The following UNC5C variants were observed in gnomAD, a reference collection of about 807,000 sequenced individuals.
UNC5C encodes unc-5 netrin receptor C.
A neutral mutation model predicts 99.8 loss-of-function variants in UNC5C; 47 were observed. The ratio of observed to expected loss-of-function variants is 0.47; its 90% CI spans 0.37 to 0.60. The LOEUF (loss-of-function observed/expected upper bound fraction) is 0.60, where lower values mean the gene tolerates loss of function less well. UNC5C is among the 20% of genes least tolerant of loss of function. The probability of loss-of-function intolerance (pLI) is 0.00; values close to 1 mark genes in which losing one functional copy is unlikely to be tolerated. For missense variants in UNC5C, 1,062 were observed against 1,165.9 expected, an observed-to-expected ratio of 0.91 and a Z score of 1.30; for synonymous variants, 487 against 452.2, an observed-to-expected ratio of 1.08 and a Z score of -0.98.
At chr4:95,363,217 C>T (rs190689583) in intron 1 of UNC5C, among the ~76,000 whole-genome samples, 261 of 152,220 alleles carry the variant, frequency 1.7e-3, no homozygotes, top group Non-Finnish European at 3.2e-3. Flanking sequence ...AGCTGCACCA[C>T]CGGCTTACCA....
chr4:95,190,113 T>G (rs1737010091), intron 12 of UNC5C, among the ~76,000 whole-genome samples: 1 of 152,092 alleles, frequency 6.6e-6, no homozygotes, highest in East Asian at 1.9e-4. Flanking sequence ...AATGATAGAC[T>G]GAATAAAGAA....
At chr4:95,395,532 T>C (rs2149446580) in intron 1 of UNC5C, among the ~76,000 whole-genome samples, 1 of 152,310 alleles carries the variant, frequency 6.6e-6, no homozygotes, top group South Asian at 2.1e-4. Context: ...TGAGAGCAGG[T>C]CTTTTCTCTT....
intron 1 of UNC5C, among the ~76,000 whole-genome samples, chr4:95,533,574 C>T (rs549109525): frequency 6.6e-6 from 1 of 151,812 alleles, no homozygotes; most frequent in East Asian, 1.9e-4. Flanking sequence ...ATGTGGGACT[C>T]CAGGAAATAA....
intron 1 of UNC5C, among the ~76,000 whole-genome samples, chr4:95,382,779 T>C (rs1449287504): frequency 1.3e-5 from 2 of 152,168 alleles, no homozygotes; most frequent in Non-Finnish European, 2.9e-5. Flanking sequence ...CACTGCTTTA[T>C]CAATGCTTGG....
chr4:95,361,490 C>T (rs1199823297), intron 1 of UNC5C, among the ~76,000 whole-genome samples: 2 of 152,156 alleles, frequency 1.3e-5, no homozygotes, highest in African/African-American at 2.4e-5. Flanking sequence ...GGATGTGCTG[C>T]TCTGTGCAGA....
intron 1 of UNC5C, among the ~76,000 whole-genome samples, chr4:95,350,936 G>A (rs1250164109): frequency 6.6e-6 from 1 of 152,096 alleles, no homozygotes. Context: ...TAATCTGGAT[G>A]TGTCTGATTC....
At chr4:95,316,158 G>A (rs1404063748) in intron 2 of UNC5C, among the ~76,000 whole-genome samples, 1 of 152,094 alleles carries the variant, frequency 6.6e-6, no homozygotes, top group African/African-American at 2.4e-5. Flanking sequence ...AAGATAGCAT[G>A]ACCTACTATA....
intron 1 of UNC5C, among the ~76,000 whole-genome samples, chr4:95,453,492 GAAGAAAAAAAAGA>G (rs1236107987): frequency 6.6e-6 from 1 of 150,768 alleles, no homozygotes; most frequent in African/African-American, 2.4e-5. Context: ...AAGAGAAAAG[GAAGAAAAAAAAGA>G]AAGAAAAAAC....
At chr4:95,243,183 T>A (rs1459583249) in intron 6 of UNC5C, among the ~76,000 whole-genome samples, 1 of 152,202 alleles carries the variant, frequency 6.6e-6, no homozygotes, top group Admixed American at 6.5e-5. Flanking sequence ...AATGTTTTCA[T>A]GAAAACACTA....
intron 1 of UNC5C, among the ~76,000 whole-genome samples, chr4:95,503,831 C>A (rs1385242533): frequency 6.6e-6 from 1 of 152,084 alleles, no homozygotes; most frequent in Non-Finnish European, 1.5e-5. Context: ...GTTAAGACCG[C>A]TTCCATCTGC....
At chr4:95,473,745 C>A (rs113425977) in intron 1 of UNC5C, among the ~76,000 whole-genome samples, 10 of 152,228 alleles carry the variant, frequency 6.6e-5, no homozygotes, top group African/African-American at 2.4e-4. Context: ...ATCTCCACTC[C>A]TCTGTGCCAT....
intron 1 of UNC5C, among the ~76,000 whole-genome samples, chr4:95,359,346 C>T (rs533733982): frequency 6.6e-6 from 1 of 152,050 alleles, no homozygotes; most frequent in African/African-American, 2.4e-5. Flanking sequence ...AAGAATCAGG[C>T]ATGTAACTTC....
intron 1 of UNC5C, among the ~76,000 whole-genome samples, chr4:95,530,823 T>C (rs758702515): frequency 1.3e-5 from 2 of 152,176 alleles, no homozygotes; most frequent in Non-Finnish European, 2.9e-5. Context: ...GAAAGGTGCA[T>C]TTTTGTGCAG....
intron 1 of UNC5C, among the ~76,000 whole-genome samples, chr4:95,360,772 C>A (rs1294276383): frequency 2.6e-5 from 4 of 152,132 alleles, no homozygotes; most frequent in Admixed American, 2.6e-4. Context: ...TATCCATTTC[C>A]TTTCTCCAAG....
At chr4:95,171,951 T>C (rs1484019268) in intron 14 of UNC5C, among the ~76,000 whole-genome samples, 2 of 151,442 alleles carry the variant, frequency 1.3e-5, no homozygotes, top group Non-Finnish European at 2.9e-5. Flanking sequence ...TGAGATGGTA[T>C]CTCATTGTGG....
chr4:95,458,329 T>C (rs1273809934), intron 1 of UNC5C, among the ~76,000 whole-genome samples: 1 of 152,094 alleles, frequency 6.6e-6, no homozygotes, highest in African/African-American at 2.4e-5. Context: ...GTATCATATC[T>C]ATTAATAGAA....
intron 4 of UNC5C, among the ~76,000 whole-genome samples, chr4:95,272,651 C>G (rs1740704063): frequency 6.6e-6 from 1 of 152,134 alleles, no homozygotes; most frequent in South Asian, 2.1e-4. Flanking sequence ...AGTAAGGGAA[C>G]CTAATACTTT....
At chr4:95,315,240 T>C (rs912642561) in intron 2 of UNC5C, among the ~76,000 whole-genome samples, 1 of 152,114 alleles carries the variant, frequency 6.6e-6, no homozygotes, top group Non-Finnish European at 1.5e-5. Context: ...GCTGTAACAT[T>C]TAGACACCCC....
At chr4:95,301,323 G>A (rs1267805103) in intron 3 of UNC5C, among the ~76,000 whole-genome samples, 1 of 151,444 alleles carries the variant, frequency 6.6e-6, no homozygotes, top group Non-Finnish European at 1.5e-5. Flanking sequence ...AGCCTCCCGA[G>A]TAACTGGGAC....
Sources: gnomAD v4.1 joint callset for allele counts (sites outside exome capture counted in the v4.1 genomes callset) on GRCh38, gnomAD v4.1.1 for gene constraint, MANE v1.5 for transcripts, NCBI Gene and HGNC (gene_info 2026-07-23, HGNC 2026-07-21) for gene names.